Variants in ITPR2 observed in about 807,000 individuals in gnomAD.
ITPR2 encodes the protein inositol 1,4,5-trisphosphate receptor type 2.
A neutral mutation model predicts 317.1 loss-of-function variants in ITPR2; 207 were observed. The observed-to-expected ratio is 0.65, with a 90% CI of 0.58 to 0.73. The LOEUF (loss-of-function observed/expected upper bound fraction) is 0.73. Ranked by LOEUF, ITPR2 falls within the 30% of genes least tolerant of loss-of-function variation. The probability of loss-of-function intolerance (pLI) is 0.00; values close to 1 mark genes in which losing one functional copy is unlikely to be tolerated. For synonymous variants in ITPR2, 1,156 were observed against 1,149.1 expected, an observed-to-expected ratio of 1.01 and a Z score of -0.12; for missense variants, 2,613 against 3,284.0, an observed-to-expected ratio of 0.80 and a Z score of 4.99.
chr12:26,658,273 T>C lies in ITPR2; in HGVS notation c.1887-143A>G, dbSNP rs191577007. The C allele has an allele frequency of 1.5e-3, 708 of 468,026 alleles. 3 individuals carry two copies. Among genetic ancestry groups the C allele is most frequent in the African/African-American group, 0.013 (659 of 49,694 alleles). The allele number at this position is 468,026 out of a possible 1,614,324, so 29.0% of individuals were successfully genotyped here. ...TCCACACAACATTTGTCTAATGTGT[T>C]GTTTATCTACTGCATCATTAGAAAC... is the stretch of plus-strand genomic sequence containing the variant. On this transcript the variant is annotated intron_variant, in intron 16 of 56. Coordinates refer to ENST00000381340, the MANE Select transcript of ITPR2 (RefSeq NM_002223.4).
At chr12:26,575,310 G>T (rs561659579) in intron 34 of ITPR2, among the ~76,000 whole-genome samples, 3 of 151,546 alleles carry the variant, frequency 2.0e-5, no homozygotes, top group Non-Finnish European at 4.4e-5. Context: ...AGATTACTCT[G>T]GTATCAGGCT....
At chr12:26,512,232 C>T (rs976815009) in intron 37 of ITPR2, among the ~76,000 whole-genome samples, 1 of 148,928 alleles carries the variant, frequency 6.7e-6, no homozygotes, top group Non-Finnish European at 1.5e-5. Flanking sequence ...AATTTGCCCA[C>T]AAGAAGATTC....
At chr12:26,732,572 C>T (rs1949044548) in intron 2 of ITPR2, among the ~76,000 whole-genome samples, 1 of 152,156 alleles carries the variant, frequency 6.6e-6, no homozygotes, top group African/African-American at 2.4e-5. Flanking sequence ...ACTGGATCTT[C>T]ACAAGACTCT....
At position 26,725,780 on chromosome 12, in the gene ITPR2, C is replaced by T. The variant is rs920098201; in HGVS notation, c.164-15G>A. 9 of 1,512,730 alleles carry T rather than the reference C, an allele frequency of 5.9e-6. No homozygotes were observed. The highest frequency in any genetic ancestry group is 8.3e-6 in the Non-Finnish European group (9 of 1,088,672). The allele number at this position is 1,512,730 out of a possible 1,614,324, so 93.7% of individuals were successfully genotyped here. ...GAAAAGGCAGTCTGTGACAAACCAA[C>T]ATACAAAAACACTGTAACTAAGGCT... On this transcript the variant is annotated splice_polypyrimidine_tract_variant and intron_variant, in intron 2 of 56. Coordinates refer to ENST00000381340, the MANE Select transcript of ITPR2 (RefSeq NM_002223.4).
chr12:26,664,686 C>G (rs1947581466), intron 14 of ITPR2, among the ~76,000 whole-genome samples: 1 of 150,632 alleles, frequency 6.6e-6, no homozygotes, highest in African/African-American at 2.4e-5. Context: ...ATTCACTAAG[C>G]CTTTAATTTT....
rs760466876 is a variant in ITPR2 at position 26,494,162 on chromosome 12, T to A, written c.5361A>T (p.Thr1787=). The change falls in exon 39 of 57, where the codon ACA becomes ACT. Residue 1787 remains threonine (T), a synonymous_variant. Transcript: ENST00000381340. ...ATTGATGAACAAGTACCTGTGTTTG[T>A]GTATTTCCTCCTTCAAGCAAGGCAA... The part of the protein sequence containing the change: ...LGIALLEGGN[T]QTQYSFYQQL... 1 of 1,611,020 alleles carries A rather than the reference T, an allele frequency of 6.2e-7. No homozygotes were observed. Among genetic ancestry groups the A allele is most frequent in the Admixed American group, 1.7e-5 (1 of 59,768 alleles).
intron 55 of ITPR2, among the ~76,000 whole-genome samples, chr12:26,376,382 C>T (rs7296556): frequency 0.15 from 23,260 of 152,138 alleles, 2,104 homozygotes; most frequent in Middle Eastern, 0.22. Flanking sequence ...CCTCCCTCCC[C>T]TGACTCTCTG....
intron 49 of ITPR2, among the ~76,000 whole-genome samples, chr12:26,423,036 C>A (rs1030029529): frequency 1.3e-5 from 2 of 152,094 alleles, no homozygotes; most frequent in Admixed American, 6.6e-5. Flanking sequence ...AAATTGCTGA[C>A]AAAACAGAAC....
At chr12:26,564,892 C>T (rs1260937075) in intron 34 of ITPR2, among the ~76,000 whole-genome samples, 10 of 152,166 alleles carry the variant, frequency 6.6e-5, no homozygotes, top group East Asian at 3.9e-4. Context: ...AATTTATGGC[C>T]AGCCGTAGAA....
At chr12:26,632,193 T>C (rs555005781) in intron 21 of ITPR2, 134 bp from the exon 22 acceptor site, 4 of 505,020 alleles carry the variant, frequency 7.9e-6, no homozygotes, top group South Asian at 6.8e-5. Context: ...AGCATAAGCA[T>C]TGTTTGGGCT....
At chr12:26,787,178 AC>A (rs34833299) in intron 2 of ITPR2, among the ~76,000 whole-genome samples, 41,740 of 152,164 alleles carry the variant, frequency 0.27, 7,081 homozygotes, top group East Asian at 0.74. Context: ...ATTCTCTGGG[AC>A]TCCAGCTGCA....
At chr12:26,340,122 G>A (rs1369101375) in intron 56 of ITPR2, 45 bp downstream of exon 56, 40 of 1,522,654 alleles carry the variant, frequency 2.6e-5, no homozygotes, top group Non-Finnish European at 3.3e-5. Flanking sequence ...CGGAAGTGGT[G>A]AATGACTTTA....
intron 55 of ITPR2, among the ~76,000 whole-genome samples, chr12:26,369,392 C>T (rs932823438): frequency 5.9e-5 from 9 of 151,966 alleles, no homozygotes; most frequent in South Asian, 2.1e-4. Flanking sequence ...CAGTTGAAGG[C>T]TATCTGAATT....
chr12:26,600,938 GC>G (rs1476196194), intron 28 of ITPR2, among the ~76,000 whole-genome samples: 1 of 150,588 alleles, frequency 6.6e-6, no homozygotes, highest in Non-Finnish European at 1.5e-5. Flanking sequence ...TTTCCTCTTT[GC>G]TTTCTCTTCT....
At chr12:26,829,094 AGATGCT>A (rs1351845009) in intron 1 of ITPR2, among the ~76,000 whole-genome samples, 5 of 152,252 alleles carry the variant, frequency 3.3e-5, no homozygotes, top group African/African-American at 9.6e-5. Context: ...ATGACGTGCC[AGATGCT>A]TTCTGAAAGC....
intron 1 of ITPR2, among the ~76,000 whole-genome samples, chr12:26,793,496 C>A (rs1950378326): frequency 6.6e-6 from 1 of 152,138 alleles, no homozygotes; most frequent in Non-Finnish European, 1.5e-5. Context: ...GCTCTGCACT[C>A]CCACAATACT....
At position 26,474,612 on chromosome 12, in the gene ITPR2, T is replaced by C. The variant is rs184395690; in HGVS notation, c.6342+684A>G. 3.9e-3 allele frequency among the ~76,000 whole-genome samples: 591 copies of C among 151,252 alleles called. 5 individuals are homozygous for C. Among genetic ancestry groups the C allele is most frequent in the African/African-American group, 0.014 (561 of 41,238 alleles). ...ATCGAGACCATCCCGGCTAAAGCGG[T>C]GAAACCCCGTCTCTACTAAAAATAC... On this transcript the variant is annotated intron_variant, in intron 45 of 56. Coordinates refer to ENST00000381340, the MANE Select transcript of ITPR2 (RefSeq NM_002223.4).
intron 32 of ITPR2, among the ~76,000 whole-genome samples, chr12:26,593,945 C>G (rs985693845): frequency 2.6e-5 from 4 of 152,180 alleles, no homozygotes; most frequent in Non-Finnish European, 5.9e-5. Context: ...TATCTTTAGT[C>G]AGTAGCACTG....
intron 26 of ITPR2, among the ~76,000 whole-genome samples, chr12:26,603,653 T>A (rs1243147115): frequency 1.3e-5 from 2 of 152,238 alleles, no homozygotes; most frequent in African/African-American, 4.8e-5. Context: ...AGAGAACAGC[T>A]GCAGCTTTAG....
Sources: gnomAD v4.1 joint callset for allele counts (sites outside exome capture counted in the v4.1 genomes callset) on GRCh38, gnomAD v4.1.1 for gene constraint, MANE v1.5 for transcripts, NCBI Gene and HGNC (gene_info 2026-07-23, HGNC 2026-07-21) for gene names.